Variants in CDC14B observed in about 807,000 individuals in gnomAD.
CDC14B encodes the protein cell division cycle 14B.
A neutral mutation model predicts 64.2 loss-of-function variants in CDC14B; 22 were observed. The observed-to-expected ratio is 0.34, with a 90% confidence interval of 0.24 to 0.49. The LOEUF (loss-of-function observed/expected upper bound fraction) is 0.49, where lower values mean the gene tolerates loss of function less well. Among genes scored for constraint, CDC14B ranks in the 20% least tolerant of loss-of-function variants. The probability of loss-of-function intolerance (pLI) is 0.99; values close to 1 mark genes in which losing one functional copy is unlikely to be tolerated. For missense variants in CDC14B, 498 were observed against 629.9 expected (o/e 0.79, Z 2.24); for synonymous variants, 191 against 215.8 (o/e 0.89, Z 1.01).
intron 1 of CDC14B, among the ~76,000 whole-genome samples, chr9:96,581,195 A>C (rs1845128611): frequency 6.6e-6 from 1 of 152,190 alleles, no homozygotes; most frequent in Non-Finnish European, 1.5e-5. Flanking sequence ...GCACCACTGC[A>C]CTCCAGCCTG....
chr9:96,599,394 G>A (rs1846283916), intron 1 of CDC14B, among the ~76,000 whole-genome samples: 1 of 151,214 alleles, frequency 6.6e-6, no homozygotes, highest in Admixed American at 6.6e-5. Flanking sequence ...AAAAAAAAAA[G>A]GAGAAGAAGT....
chr9:96,546,515 T>C (rs561762825), intron 5 of CDC14B, among the ~76,000 whole-genome samples: 11 of 151,668 alleles, frequency 7.3e-5, no homozygotes, highest in Non-Finnish European at 1.6e-4. Flanking sequence ...AATGACACGA[T>C]CTCAGCTCAC....
At chr9:96,617,450 T>A (rs1415165533) in intron 1 of CDC14B, among the ~76,000 whole-genome samples, 1 of 152,064 alleles carries the variant, frequency 6.6e-6, no homozygotes, top group Non-Finnish European at 1.5e-5. Flanking sequence ...TTTAAATCCA[T>A]ACGTACTTGT....
chr9:96,494,485 C>T lies in CDC14B; in HGVS notation c.*81-1233G>A, dbSNP rs12238835. 4.1e-4 allele frequency among the ~76,000 whole-genome samples: 62 copies of T among 152,332 alleles called. No homozygotes were observed. In the East Asian group the frequency reaches 0.011, roughly 27 times the overall value. On this transcript the variant is annotated intron_variant and NMD_transcript_variant, in intron 13 of 13. Transcript: ENST00000474602. Reference sequence around the variant, plus strand: ...TGGCTCCCTAGGCCTAAAGGCCTAGCGGCTCCTGCCTGCTTTGCCCAGCCC... The same window carrying T: ...TGGCTCCCTAGGCCTAAAGGCCTAGTGGCTCCTGCCTGCTTTGCCCAGCCC...
intron 13 of CDC14B, among the ~76,000 whole-genome samples, chr9:96,504,905 T>C (rs1833915828): frequency 6.6e-6 from 1 of 152,166 alleles, no homozygotes; most frequent in African/African-American, 2.4e-5. Flanking sequence ...CCGGGCGCCG[T>C]GGCTCACACC....
chr9:96,571,208 G>A (rs533046908), intron 1 of CDC14B, among the ~76,000 whole-genome samples: 42 of 149,098 alleles, frequency 2.8e-4, no homozygotes, highest in Admixed American at 2.1e-3. Context: ...ACGGAGTCTC[G>A]CTCTGTTGTC....
intron 1 of CDC14B, among the ~76,000 whole-genome samples, chr9:96,612,973 G>A (rs1847412459): frequency 6.6e-6 from 1 of 152,198 alleles, no homozygotes; most frequent in South Asian, 2.1e-4. Flanking sequence ...CTCAAATTCA[G>A]TAGGTAATTA....
intron 1 of CDC14B, among the ~76,000 whole-genome samples, chr9:96,616,497 G>A (rs963164869): frequency 3.9e-5 from 6 of 152,116 alleles, no homozygotes; most frequent in African/African-American, 1.2e-4. Context: ...AGACCAAGGC[G>A]GGCGGATCAC....
intron 5 of CDC14B, among the ~76,000 whole-genome samples, chr9:96,544,397 A>G (rs1299320223): frequency 6.6e-6 from 1 of 152,250 alleles, no homozygotes; most frequent in Non-Finnish European, 1.5e-5. Flanking sequence ...TGAGGGCAAG[A>G]AAAGGCATCC....
intron 4 of CDC14B, among the ~76,000 whole-genome samples, chr9:96,557,301 C>G (rs534947926): frequency 6.6e-6 from 1 of 152,226 alleles, no homozygotes. Context: ...CTACTACTGA[C>G]GGTTGCCTCG....
At chr9:96,566,761 G>C (rs1165767644) in intron 1 of CDC14B, 3 of 1,604,532 alleles carry the variant, frequency 1.9e-6, no homozygotes, top group Non-Finnish European at 2.5e-6. Flanking sequence ...CCGCCCTCCC[G>C]GCTCACCTTT....
chr9:96,534,549 G>A lies in CDC14B; in HGVS notation c.628-7C>T. 6.3e-7 allele frequency: 1 copy of A among 1,594,598 alleles called. No individual in the cohort carries two copies. The highest frequency in any genetic ancestry group is 8.6e-7 in the Non-Finnish European group (1 of 1,162,476). On this transcript the variant is annotated splice_region_variant and splice_polypyrimidine_tract_variant and intron_variant, in intron 7 of 13. Coordinates refer to ENST00000375241, the MANE Select transcript of CDC14B (RefSeq NM_033331.4). Reference sequence around the variant, plus strand: ...AATCTCCATTTTCTGCTTTCTGCAAGGGGAAGACCAGCACAATTCGTTTTT... The same window carrying A: ...AATCTCCATTTTCTGCTTTCTGCAAAGGGAAGACCAGCACAATTCGTTTTT...
chr9:96,566,571 G>A (rs1055660054), intron 1 of CDC14B, among the ~76,000 whole-genome samples: 1 of 152,184 alleles, frequency 6.6e-6, no homozygotes, highest in African/African-American at 2.4e-5. Flanking sequence ...ACTAGGCTCA[G>A]GTGCAGGCAC....
chr9:96,553,536 T>C (rs1443877058), intron 4 of CDC14B, among the ~76,000 whole-genome samples: 2 of 151,844 alleles, frequency 1.3e-5, no homozygotes, highest in Admixed American at 1.3e-4. Context: ...TTTTTTTGTA[T>C]TTTTAGTAGA....
intron 1 of CDC14B, among the ~76,000 whole-genome samples, chr9:96,615,152 T>C (rs937606734): frequency 1.3e-5 from 2 of 152,182 alleles, no homozygotes; most frequent in African/African-American, 4.8e-5. Flanking sequence ...ACACTGTCTT[T>C]ATGACCTTTT....
intron 1 of CDC14B, among the ~76,000 whole-genome samples, chr9:96,606,673 T>C (rs1009603719): frequency 6.6e-6 from 1 of 151,784 alleles, no homozygotes; most frequent in African/African-American, 2.4e-5. Context: ...TTCAAGCGAT[T>C]CTCCTGCCTC....
intron 13 of CDC14B, among the ~76,000 whole-genome samples, chr9:96,504,688 G>C (rs987257022): frequency 6.6e-6 from 1 of 152,216 alleles, no homozygotes; most frequent in Admixed American, 6.5e-5. Flanking sequence ...ATGGACTTTG[G>C]AGATAATGGC....
downstream of CDC14B, among the ~76,000 whole-genome samples, chr9:96,498,260 C>T (rs532230622): frequency 3.3e-5 from 5 of 152,334 alleles, no homozygotes; most frequent in Admixed American, 6.5e-5. Context: ...GGCACAGCCA[C>T]GTACTTCTGT....
intron 1 of CDC14B, among the ~76,000 whole-genome samples, chr9:96,570,806 AG>A (rs1844421045): frequency 6.6e-6 from 1 of 152,186 alleles, no homozygotes; most frequent in African/African-American, 2.4e-5. Flanking sequence ...AGCTCTAAGG[AG>A]GTGGAGTGAC....
Sources: gnomAD v4.1 joint callset for allele counts (sites outside exome capture counted in the v4.1 genomes callset) on GRCh38, gnomAD v4.1.1 for gene constraint, MANE v1.5 for transcripts, NCBI Gene and HGNC (gene_info 2026-07-23, HGNC 2026-07-21) for gene names.